Variants in DNAH11 observed in about 807,000 individuals in gnomAD.
DNAH11 encodes the protein dynein axonemal heavy chain 11.
In DNAH11, 442 loss-of-function variants were observed where a neutral mutation model predicts 526.0. That is an observed-to-expected ratio of 0.84 (90% CI 0.78 to 0.91). The LOEUF is 0.91. Among genes scored for constraint, DNAH11 ranks in the 40% least tolerant of loss-of-function variants. The pLI is 0.00. For missense variants in DNAH11, 6,989 were observed against 5,448.7 expected, an observed-to-expected ratio of 1.28 and a Z score of -8.90; for synonymous variants, 2,461 against 1,935.9, an observed-to-expected ratio of 1.27 and a Z score of -7.12.
chr7:21,650,812 G>T (rs1392840972), intron 28 of DNAH11, among the ~76,000 whole-genome samples: 5 of 151,576 alleles, frequency 3.3e-5, no homozygotes, highest in Non-Finnish European at 7.4e-5. Flanking sequence ...GCACATTTTT[G>T]TATTTTTAGT....
chr7:21,725,852 A>C lies in DNAH11; in HGVS notation c.7308A>C (p.Lys2436Asn). The C allele has an allele frequency of 6.2e-7, 1 of 1,611,916 alleles. No individual in the cohort carries two copies. The highest frequency in any genetic ancestry group is 8.5e-7 in the Non-Finnish European group (1 of 1,179,038). ...CTGACTTCAGTCGGTGGTGGCAGAAAGAGATGAAAGCAGTGAAATTTCCGT... is the reference window on the plus strand; with the variant it reads ...CTGACTTCAGTCGGTGGTGGCAGAACGAGATGAAAGCAGTGAAATTTCCGT... The part of the protein sequence containing the change: ...YQADFSRWWQ[K>N]EMKAVKFPSQ... The change falls in exon 45 of 82, where the codon AAA (lysine) becomes AAC (asparagine). Residue 2436 changes from lysine (K) to asparagine (N), a missense_variant. Physicochemically the swap from Lys to Asn is moderately conservative, Grantham distance 94. Coordinates refer to ENST00000409508, the MANE Select transcript of DNAH11 (RefSeq NM_001277115.2).
intron 8 of DNAH11, among the ~76,000 whole-genome samples, chr7:21,577,333 C>A (rs116003261): frequency 3.3e-5 from 5 of 152,334 alleles, no homozygotes; most frequent in East Asian, 1.9e-4. Context: ...CCTAGACTTA[C>A]ACCCTTTCTG....
At chr7:21,896,780 G>A (rs1784529557) in intron 79 of DNAH11, among the ~76,000 whole-genome samples, 1 of 152,076 alleles carries the variant, frequency 6.6e-6, no homozygotes, top group Non-Finnish European at 1.5e-5. Context: ...AGATGTCATT[G>A]TCCAGGTTGG....
chr7:21,665,653 A>G (rs1423094065), intron 30 of DNAH11, among the ~76,000 whole-genome samples: 1 of 152,100 alleles, frequency 6.6e-6, no homozygotes, highest in East Asian at 1.9e-4. Flanking sequence ...AAAGTTTTCC[A>G]CTTTGTTCTA....
intron 2 of DNAH11, among the ~76,000 whole-genome samples, chr7:21,557,747 A>C (rs1783276927): frequency 6.6e-6 from 1 of 152,152 alleles, no homozygotes; most frequent in Admixed American, 6.5e-5. Context: ...GTCTTTCTTA[A>C]TACCATTCTC....
intron 28 of DNAH11, 51 bp downstream of exon 28, chr7:21,639,116 T>A (rs1431333610): frequency 1.3e-6 from 2 of 1,534,520 alleles, no homozygotes; most frequent in Non-Finnish European, 1.8e-6. Flanking sequence ...CTGAGGAATG[T>A]CATAGCGTCT....
chr7:21,675,094 C>T (rs1205341261), intron 30 of DNAH11, among the ~76,000 whole-genome samples: 1 of 152,186 alleles, frequency 6.6e-6, no homozygotes, highest in Non-Finnish European at 1.5e-5. Flanking sequence ...TACCTTCCTC[C>T]AATTCATTCT....
chr7:21,562,760 A>T (rs1345946680), intron 5 of DNAH11, among the ~76,000 whole-genome samples: 3 of 152,320 alleles, frequency 2.0e-5, no homozygotes, highest in Middle Eastern at 3.4e-3. Flanking sequence ...TAAAAATAGT[A>T]ATTTTGAAAC....
At chr7:21,576,108 G>T (rs551826484) in intron 8 of DNAH11, among the ~76,000 whole-genome samples, 42 of 152,222 alleles carry the variant, frequency 2.8e-4, no homozygotes, top group African/African-American at 8.7e-4. Context: ...TCTAGATCTT[G>T]TTGCTGCTGA....
chr7:21,877,588 T>A (rs1434399002), intron 74 of DNAH11, among the ~76,000 whole-genome samples: 1 of 152,056 alleles, frequency 6.6e-6, no homozygotes, highest in Non-Finnish European at 1.5e-5. Context: ...CTAAAGAGCC[T>A]CTTGAGGCTA....
At chr7:21,774,232 T>C (rs1787563908) in intron 56 of DNAH11, among the ~76,000 whole-genome samples, 1 of 152,088 alleles carries the variant, frequency 6.6e-6, no homozygotes, top group African/African-American at 2.4e-5. Context: ...CAGTGTAAGG[T>C]AGTGTGGGAT....
chr7:21,768,825 C>A (rs1023412337), intron 55 of DNAH11, among the ~76,000 whole-genome samples: 2 of 152,024 alleles, frequency 1.3e-5, no homozygotes, highest in Admixed American at 1.3e-4. Context: ...AATGGCATGC[C>A]AAACACAAAG....
chr7:21,563,670 C>G (rs776511294), intron 5 of DNAH11, among the ~76,000 whole-genome samples: 1 of 152,092 alleles, frequency 6.6e-6, no homozygotes, highest in Non-Finnish European at 1.5e-5. Context: ...CATCACTGTA[C>G]TTAACAATTT....
chr7:21,664,116 A>T (rs1008498352), intron 30 of DNAH11, among the ~76,000 whole-genome samples: 4 of 144,444 alleles, frequency 2.8e-5, no homozygotes, highest in African/African-American at 1.0e-4. Context: ...TTCAGTTATT[A>T]TATCTCAATT....
At chr7:21,728,977 GC>G (rs1562513694) in intron 45 of DNAH11, among the ~76,000 whole-genome samples, 1 of 152,242 alleles carries the variant, frequency 6.6e-6, no homozygotes, top group South Asian at 2.1e-4. Context: ...GGGGGCAGCA[GC>G]CCTGTCCCTG....
chr7:21,820,503 G>C (rs6969326), intron 65 of DNAH11, among the ~76,000 whole-genome samples: 73,201 of 152,000 alleles, frequency 0.48, 18,786 homozygotes, highest in Non-Finnish European at 0.58. Flanking sequence ...CCTGGACAGA[G>C]AGCCCTAATT....
At chr7:21,785,614 G>A (rs554864281) in intron 58 of DNAH11, among the ~76,000 whole-genome samples, 4 of 152,248 alleles carry the variant, frequency 2.6e-5, no homozygotes, top group African/African-American at 7.2e-5. Flanking sequence ...TCTTTATTGT[G>A]TTTCTCTAAA....
intron 51 of DNAH11, among the ~76,000 whole-genome samples, 164 bp downstream of exon 51, chr7:21,745,227 A>G (rs186400024): frequency 4.1e-4 from 63 of 152,324 alleles, no homozygotes; most frequent in Admixed American, 9.8e-4. Flanking sequence ...TAATGTCACA[A>G]TCTTAATAAT....
At chr7:21,673,838 C>T (rs548627626) in intron 30 of DNAH11, among the ~76,000 whole-genome samples, 1 of 152,222 alleles carries the variant, frequency 6.6e-6, no homozygotes, top group Non-Finnish European at 1.5e-5. Context: ...TTGATTGAGT[C>T]TATTTCTGTT....
Sources: gnomAD v4.1 joint callset for allele counts (sites outside exome capture counted in the v4.1 genomes callset) on GRCh38, gnomAD v4.1.1 for gene constraint, MANE v1.5 for transcripts, NCBI Gene and HGNC (gene_info 2026-07-23, HGNC 2026-07-21) for gene names.